Variants in WWOX observed in about 807,000 individuals in gnomAD.
The protein encoded by WWOX is WW domain containing oxidoreductase.
WWOX carries 69 observed loss-of-function variants against 46.2 expected under a neutral mutation model. That is an observed-to-expected ratio of 1.49 (90% CI 1.23 to 1.82). The LOEUF is 1.82. Ranked by LOEUF, WWOX falls within the 40% of genes most tolerant of loss-of-function variation. The probability of loss-of-function intolerance (pLI) is 0.00; values close to 1 mark genes in which losing one functional copy is unlikely to be tolerated. For missense variants in WWOX, 919 were observed against 542.6 expected, an observed-to-expected ratio of 1.69 and a Z score of -6.89; for synonymous variants, 359 against 202.6, an observed-to-expected ratio of 1.77 and a Z score of -6.56.
At chr16:78,870,895 C>A (rs1302254888) in intron 8 of WWOX, among the ~76,000 whole-genome samples, 1 of 152,194 alleles carries the variant, frequency 6.6e-6, no homozygotes, top group Non-Finnish European at 1.5e-5. Flanking sequence ...AGCCACCATG[C>A]CCGGCCTAAT....
chr16:78,601,734 A>G (rs765549882), intron 8 of WWOX, among the ~76,000 whole-genome samples: 6 of 152,212 alleles, frequency 3.9e-5, no homozygotes, highest in Non-Finnish European at 7.3e-5. Context: ...TGGAAGGAAC[A>G]AAGGATTAAG....
intron 4 of WWOX, among the ~76,000 whole-genome samples, chr16:78,147,861 A>G (rs1384075078): frequency 6.7e-6 from 1 of 149,682 alleles, no homozygotes; most frequent in Non-Finnish European, 1.5e-5. Flanking sequence ...AGCATTTCTT[A>G]ATTGACAGGG....
chr16:78,378,735 G>A (rs1196564936), intron 5 of WWOX, among the ~76,000 whole-genome samples: 1 of 152,160 alleles, frequency 6.6e-6, no homozygotes, highest in African/African-American at 2.4e-5. Context: ...TGCAATTAAG[G>A]CCCATTGGAT....
At chr16:79,150,457 A>C (rs2050257165) in intron 8 of WWOX, among the ~76,000 whole-genome samples, 1 of 152,146 alleles carries the variant, frequency 6.6e-6, no homozygotes, top group Non-Finnish European at 1.5e-5. Flanking sequence ...TACGATGATA[A>C]ATGGTGCTAA....
intron 8 of WWOX, among the ~76,000 whole-genome samples, chr16:79,186,065 A>G (rs896140997): frequency 6.6e-6 from 1 of 152,072 alleles, no homozygotes; most frequent in African/African-American, 2.4e-5. Flanking sequence ...GTATTGTCAA[A>G]AAATGATGTT....
At chr16:78,848,754 C>A (rs1364918409) in intron 8 of WWOX, among the ~76,000 whole-genome samples, 2 of 151,954 alleles carry the variant, frequency 1.3e-5, no homozygotes, top group South Asian at 4.2e-4. Flanking sequence ...GTTCTCAATG[C>A]CATACATGAG....
chr16:78,786,856 A>C (rs926837715), intron 8 of WWOX, among the ~76,000 whole-genome samples: 2 of 152,212 alleles, frequency 1.3e-5, no homozygotes, highest in African/African-American at 4.8e-5. Context: ...TGTAAAATTT[A>C]CCACTTTGGG....
chr16:78,918,129 G>T (rs1318007596), intron 8 of WWOX, among the ~76,000 whole-genome samples: 2 of 152,046 alleles, frequency 1.3e-5, no homozygotes, highest in Non-Finnish European at 2.9e-5. Context: ...AGGCTGAGGT[G>T]GGAGGATCAC....
chr16:78,972,029 C>T (rs2046480828), intron 8 of WWOX, among the ~76,000 whole-genome samples: 1 of 152,104 alleles, frequency 6.6e-6, no homozygotes. Context: ...ACTTCTTGCT[C>T]CACCTGTCAC....
chr16:78,146,025 A>C (rs1223091479), intron 4 of WWOX: 1 of 152,232 alleles, frequency 6.6e-6, no homozygotes, highest in East Asian at 1.9e-4. Flanking sequence ...AGCACTGAAG[A>C]AAATCAAGTC....
At chr16:78,603,341 T>C (rs1334014226) in intron 8 of WWOX, among the ~76,000 whole-genome samples, 1 of 152,194 alleles carries the variant, frequency 6.6e-6, no homozygotes, top group African/African-American at 2.4e-5. Flanking sequence ...AAAGATCTCA[T>C]TCTGAGTATC....
chr16:78,422,454 C>T (rs1399327302), intron 6 of WWOX, among the ~76,000 whole-genome samples: 1 of 151,046 alleles, frequency 6.6e-6, no homozygotes, highest in East Asian at 2.0e-4. Context: ...AAGTAATCCT[C>T]CTATCTCAGC....
chr16:78,885,646 G>A (rs1252770632), intron 8 of WWOX, among the ~76,000 whole-genome samples: 1 of 152,132 alleles, frequency 6.6e-6, no homozygotes, highest in Non-Finnish European at 1.5e-5. Context: ...TTGCAATTTG[G>A]TAGACTGGAG....
intron 8 of WWOX, among the ~76,000 whole-genome samples, chr16:78,670,599 TG>T: frequency 6.6e-6 from 1 of 152,236 alleles, no homozygotes; most frequent in East Asian, 1.9e-4. Context: ...AGATGAATAA[TG>T]TCCCCCCAAA....
chr16:79,084,454 T>C (rs1389126105), intron 8 of WWOX, among the ~76,000 whole-genome samples: 1 of 152,146 alleles, frequency 6.6e-6, no homozygotes. Flanking sequence ...GGAGTCTCGC[T>C]CTGTTGCCCA....
At chr16:78,598,443 C>T (rs537842422) in intron 8 of WWOX, among the ~76,000 whole-genome samples, 5 of 152,252 alleles carry the variant, frequency 3.3e-5, no homozygotes, top group Non-Finnish European at 5.9e-5. Flanking sequence ...CCTCTTTCCC[C>T]CCGCCCTGGC....
chr16:79,148,188 A>G (rs560743968), intron 8 of WWOX, among the ~76,000 whole-genome samples: 38 of 152,228 alleles, frequency 2.5e-4, no homozygotes, highest in African/African-American at 8.4e-4. Context: ...TTTTTTTCCT[A>G]AAAGTCATAT....
At chr16:78,305,566 TC>T (rs1887636175) in intron 5 of WWOX, among the ~76,000 whole-genome samples, 1 of 151,662 alleles carries the variant, frequency 6.6e-6, no homozygotes, top group Non-Finnish European at 1.5e-5. Context: ...CCCAGACCAT[TC>T]CCGTTCCAGT....
chr16:79,041,515 C>T (rs2047970927), intron 8 of WWOX, among the ~76,000 whole-genome samples: 2 of 152,166 alleles, frequency 1.3e-5, no homozygotes, highest in Non-Finnish European at 2.9e-5. Context: ...CTCATTAAGT[C>T]CGCAGAACTC....
Sources: gnomAD v4.1 joint callset for allele counts (sites outside exome capture counted in the v4.1 genomes callset) on GRCh38, gnomAD v4.1.1 for gene constraint, MANE v1.5 for transcripts, NCBI Gene and HGNC (gene_info 2026-07-23, HGNC 2026-07-21) for gene names.